Variants in ZDHHC4 observed in about 807,000 individuals in gnomAD.
ZDHHC4 encodes palmitoyltransferase ZDHHC4.
ZDHHC4 carries 42 observed loss-of-function variants against 36.7 expected under a neutral mutation model. The observed-to-expected ratio is 1.14, with a 90% CI of 0.89 to 1.48. The LOEUF (loss-of-function observed/expected upper bound fraction) is 1.48. Ranked by LOEUF, ZDHHC4 falls within the 40% of genes most tolerant of loss-of-function variation. ZDHHC4 has a pLI of 0.00. For missense variants in ZDHHC4, 457 were observed against 421.5 expected, an observed-to-expected ratio of 1.08 and a Z score of -0.74; for synonymous variants, 189 against 166.6, an observed-to-expected ratio of 1.13 and a Z score of -1.03.
intron 2 of ZDHHC4, among the ~76,000 whole-genome samples, chr7:6,579,741 G>C (rs1256477016): frequency 6.6e-6 from 1 of 152,218 alleles, no homozygotes; most frequent in African/African-American, 2.4e-5. Flanking sequence ...TTCATGCCTG[G>C]GGGCAAGGAA....
At chr7:6,579,496 G>A (rs181380065) in intron 2 of ZDHHC4, among the ~76,000 whole-genome samples, 8 of 152,224 alleles carry the variant, frequency 5.3e-5, no homozygotes, top group Middle Eastern at 3.4e-3. Context: ...CACCACGCTC[G>A]GCCTCAGTAT....
At chr7:6,579,068 C>T (rs62441298) in intron 2 of ZDHHC4, among the ~76,000 whole-genome samples, 13 of 152,076 alleles carry the variant, frequency 8.5e-5, no homozygotes, top group Non-Finnish European at 1.3e-4. Flanking sequence ...AAGTGATCCT[C>T]CCACCTCAGC....
Position 6,582,149 on chromosome 7 carries a change from T to A in ZDHHC4, c.268T>A (p.Tyr90Asn). 1 of 1,614,224 alleles carries A rather than the reference T, an allele frequency of 6.2e-7. No homozygotes were observed. Among genetic ancestry groups the A allele is most frequent in the South Asian group, 1.1e-5 (1 of 91,082 alleles). The change falls in exon 5 of 8, where the codon TAC (tyrosine) becomes AAC (asparagine). Residue 90 changes from tyrosine to asparagine, a missense_variant. Coordinates refer to ENST00000335965, the MANE Select transcript of ZDHHC4 (RefSeq NM_001134389.2). ...YTEYTWEVFG[Y>N]CQELELSLHY... is the part of the protein sequence containing the mutation. ...TGAGTACACCTGGGAAGTATTTGGC[T>A]ACTGTCAGGAGCTGGAGTTGTCCTT... is the stretch of plus-strand genomic sequence containing the variant.
intron 2 of ZDHHC4, among the ~76,000 whole-genome samples, chr7:6,579,908 G>T (rs996382049): frequency 3.3e-5 from 5 of 152,072 alleles, no homozygotes; most frequent in Non-Finnish European, 5.9e-5. Flanking sequence ...GGCCGAGGCA[G>T]GTGGATCACC....
chr7:6,579,562 A>G (rs772836078), intron 2 of ZDHHC4, among the ~76,000 whole-genome samples: 2 of 152,102 alleles, frequency 1.3e-5, no homozygotes, highest in Non-Finnish European at 2.9e-5. Flanking sequence ...GTAATTCCTG[A>G]TGGTTGTGGC....
chr7:6,583,258 C>T (rs771401740), intron 5 of ZDHHC4, 48 bp from the exon 6 acceptor site: 2 of 1,605,430 alleles, frequency 1.2e-6, no homozygotes. Context: ...TGTGACTATC[C>T]AGTCCAAAGT....
intron 4 of ZDHHC4, 26 bp downstream of exon 4, chr7:6,581,706 T>C: frequency 6.6e-7 from 1 of 1,518,214 alleles, no homozygotes; most frequent in East Asian, 2.3e-5. Context: ...AGTTTAAATA[T>C]TCTCCTCTTT....
At chr7:6,581,135 G>C in intron 3 of ZDHHC4, 1 of 204,442 alleles carries the variant, frequency 4.9e-6, no homozygotes, top group South Asian at 6.1e-5. Context: ...CACTTAATGG[G>C]TGACTCTGGG....
intron 6 of ZDHHC4, 53 bp downstream of exon 6, chr7:6,583,484 C>T (rs908714934): frequency 1.3e-6 from 2 of 1,569,364 alleles, no homozygotes; most frequent in South Asian, 1.2e-5. Flanking sequence ...CATGTGTGGG[C>T]TTCGTCTGTG....
rs376906446 is a variant in ZDHHC4, at chr7:6,588,739, C to T, written c.864C>T (p.Asn288=). 17 of 1,614,112 alleles carry T rather than the reference C, an allele frequency of 1.1e-5. No individual in the cohort carries two copies. The highest frequency in any genetic ancestry group is 8.3e-5 in the Admixed American group (5 of 59,986). Residue 288 remains asparagine, a synonymous_variant, in exon 8 of 8, where the codon AAC becomes AAT. Transcript: ENST00000335965. Reference sequence around the variant, plus strand: ...TGGCGGCCACCAACCAGACTACTAACGAGTGGTACAGAGGTGACTGGGCCT... The same window carrying T: ...TGGCGGCCACCAACCAGACTACTAATGAGTGGTACAGAGGTGACTGGGCCT... ...LYLAATNQTT[N]EWYRGDWAWC... is the part of the protein sequence containing the mutation.
At chr7:6,581,810 C>T (rs1212013973) in intron 4 of ZDHHC4, 130 bp downstream of exon 4, 7 of 833,466 alleles carry the variant, frequency 8.4e-6, no homozygotes, top group East Asian at 2.7e-5. Flanking sequence ...GAAAGAATCA[C>T]GAGTCCTGAG....
intron 7 of ZDHHC4, 74 bp downstream of exon 7, chr7:6,585,334 T>C: frequency 6.4e-7 from 1 of 1,558,496 alleles, no homozygotes; most frequent in Non-Finnish European, 8.7e-7. Context: ...AGTAAAAGCA[T>C]GAAGTTAGGT....
rs1781471870 is a variant in ZDHHC4, at chr7:6,588,935, G to A, written c.*25G>A. The stretch of plus-strand genomic sequence containing the variant: ...ACAAGTGTATGACTGCCTTTGAGCT[G>A]TAGTTCCCGTTTATTTACACATGTG... On this transcript the variant is annotated 3_prime_UTR_variant, in exon 8 of 8. Transcript: ENST00000335965. The A allele has an allele frequency of 6.3e-7, 1 of 1,586,910 alleles. No individual in the cohort carries two copies. Among genetic ancestry groups the A allele is most frequent in the Non-Finnish European group, 8.6e-7 (1 of 1,159,874 alleles).
Position 6,583,316 on chromosome 7 carries a change from A to T in ZDHHC4, c.381A>T (p.Thr127=). 6.2e-7 allele frequency: 1 copy of T among 1,614,048 alleles called. No individual in the cohort carries two copies. ...CCTTACTTTTCCCAGGCATTATAACAAAAGCAAATGAATTATTATTTCTTC... is the reference window on the plus strand; with the variant it reads ...CCTTACTTTTCCCAGGCATTATAACTAAAGCAAATGAATTATTATTTCTTC... The part of the protein sequence containing the change: ...LTCGTNPGII[T]KANELLFLHV... The change falls in exon 6 of 8, where the codon ACA becomes ACT. Residue 127 remains threonine, a synonymous_variant. Coordinates refer to ENST00000335965, the MANE Select transcript of ZDHHC4 (RefSeq NM_001134389.2).
chr7:6,578,488 T>C (rs538990876), intron 1 of ZDHHC4, 78 bp from the exon 2 acceptor site: 2 of 152,314 alleles, frequency 1.3e-5, no homozygotes, highest in Non-Finnish European at 2.9e-5. Context: ...TACTTCCAAA[T>C]CCTTTTCCAC....
chr7:6,586,056 G>T (rs1285371987), intron 7 of ZDHHC4, among the ~76,000 whole-genome samples: 1 of 151,984 alleles, frequency 6.6e-6, no homozygotes, highest in African/African-American at 2.4e-5. Flanking sequence ...GGGAGGCCGA[G>T]GCAGGAGAAT....
At chr7:6,581,058 G>C (rs2115160082) in intron 3 of ZDHHC4, 1 of 263,686 alleles carries the variant, frequency 3.8e-6, no homozygotes, top group East Asian at 9.7e-5. Context: ...TGAGAGAAGA[G>C]GTTGCTGTTT....
intron 1 of ZDHHC4, 80 bp downstream of exon 1, chr7:6,577,578 C>G (rs1780513699): frequency 6.6e-6 from 1 of 152,312 alleles, no homozygotes; most frequent in African/African-American, 2.4e-5. Context: ...CTCCCTTTCC[C>G]CTTGTGTGTA....
Position 6,583,332 on chromosome 7 carries a change from T to C in ZDHHC4, c.397T>C (p.Leu133=). The change falls in exon 6 of 8, where the codon TTA becomes CTA. Residue 133 remains leucine (L), a synonymous_variant. Coordinates refer to ENST00000335965, the MANE Select transcript of ZDHHC4 (RefSeq NM_001134389.2). ...CATTATAACAAAAGCAAATGAATTA[T>C]TATTTCTTCATGTTTATGAATTTGA... ...PGIITKANEL[L]FLHVYEFDEV... is the part of the protein sequence containing the mutation. 2 of 1,613,954 alleles carry C rather than the reference T, an allele frequency of 1.2e-6. No individual in the cohort carries two copies. The highest frequency in any genetic ancestry group is 1.1e-5 in the South Asian group (1 of 91,002).
Sources: allele counts gnomAD v4.1 joint callset (sites outside exome capture counted in the v4.1 genomes callset), GRCh38; gene constraint gnomAD v4.1.1; transcripts MANE v1.5; gene names NCBI Gene and HGNC (gene_info 2026-07-23, HGNC 2026-07-21).